The following SLAMF9 variants were observed in gnomAD, a reference collection of about 807,000 sequenced individuals.
SLAMF9 encodes the protein CD2 family member 10.
In SLAMF9, 25 loss-of-function variants were observed where a neutral mutation model predicts 30.4. The observed-to-expected ratio is 0.82, with a 90% CI of 0.60 to 1.15. The LOEUF (loss-of-function observed/expected upper bound fraction) is 1.15. Ranked by LOEUF, SLAMF9 falls within the 50% of genes most tolerant of loss-of-function variation. The probability of loss-of-function intolerance (pLI) is 0.00; values close to 1 mark genes in which losing one functional copy is unlikely to be tolerated. For missense variants in SLAMF9, 344 were observed against 346.1 expected (o/e 0.99, Z 0.05); for synonymous variants, 129 against 127.2 (o/e 1.01, Z -0.09).
intron 3 of SLAMF9, 29 bp from the exon 4 acceptor site, chr1:159,951,895 C>T: frequency 6.2e-7 from 1 of 1,602,726 alleles, no homozygotes; most frequent in Non-Finnish European, 8.5e-7. Flanking sequence ...GGAAAGGGCC[C>T]ATCAGTGGTA....
chr1:159,960,461 CTTTT>C, the SLAMF9 span, among the ~76,000 whole-genome samples: 2 of 130,778 alleles, frequency 1.5e-5, no homozygotes, highest in Non-Finnish European at 1.6e-5. Context: ...CTCTGATGAT[CTTTT>C]TTTTTTTTTT....
chr1:159,981,627 G>C, the SLAMF9 span, among the ~76,000 whole-genome samples: 1 of 152,210 alleles, frequency 6.6e-6, no homozygotes, highest in Non-Finnish European at 1.5e-5. Context: ...TGCTGCTGCA[G>C]GCATCTCTGT....
chr1:159,957,350 G>C (rs189881896), upstream of SLAMF9, among the ~76,000 whole-genome samples: 23 of 152,086 alleles, frequency 1.5e-4, no homozygotes, highest in Admixed American at 2.6e-4. Flanking sequence ...AACAGGCCAG[G>C]CACAGTGGCT....
chr1:159,974,361 T>TC, the SLAMF9 span, among the ~76,000 whole-genome samples: 1 of 152,164 alleles, frequency 6.6e-6, no homozygotes, highest in African/African-American at 2.4e-5. Context: ...TGGGTTTTCT[T>TC]CCCCATTGAC....
the SLAMF9 span, among the ~76,000 whole-genome samples, chr1:159,964,010 A>G: frequency 6.6e-6 from 1 of 152,190 alleles, no homozygotes; most frequent in Non-Finnish European, 1.5e-5. Context: ...CAGTGAGCAG[A>G]GATCACGCCA....
chr1:159,974,155 G>A, the SLAMF9 span: 1 of 910,682 alleles, frequency 1.1e-6, no homozygotes, highest in South Asian at 1.6e-5. Context: ...CCTCTGCTGG[G>A]GATGGAGGCC....
chr1:159,976,121 G>GTT, the SLAMF9 span, among the ~76,000 whole-genome samples: 1 of 130,710 alleles, frequency 7.7e-6, no homozygotes, highest in African/African-American at 2.7e-5. Context: ...GTGTGTGTGT[G>GTT]TAAGTTGTTT....
intron 1 of SLAMF9, 38 bp downstream of exon 1, chr1:159,954,054 G>A: frequency 2.5e-6 from 4 of 1,613,310 alleles, no homozygotes; most frequent in African/African-American, 1.3e-5. Flanking sequence ...CAGAGGTGTA[G>A]GGGACATTCC....
the SLAMF9 span, among the ~76,000 whole-genome samples, chr1:159,978,180 C>T: frequency 5.3e-5 from 8 of 152,112 alleles, no homozygotes; most frequent in Non-Finnish European, 1.2e-4. Flanking sequence ...ATACCCCTCC[C>T]CACTTCAGGA....
At chr1:159,973,776 A>G in the SLAMF9 span, 1 of 1,612,822 alleles carries the variant, frequency 6.2e-7, no homozygotes, top group South Asian at 1.1e-5. Flanking sequence ...CTGCCCCACA[A>G]ACTCCCAAGC....
rs779584560 is a variant in SLAMF9, at chr1:159,953,418, G to T, written c.282C>A (p.Ser94=). 1 of 1,614,086 alleles carries T rather than the reference G, an allele frequency of 6.2e-7. No homozygotes were observed. The highest frequency in any genetic ancestry group is 8.5e-7 in the Non-Finnish European group (1 of 1,180,046). ...GQVSFLDPSY[S]LHISNLSWED... ...CCCAGCTCAGATTGCTGATATGCAG[G>T]GAATAGCTGGGGTCCAGGAAGCTCA... The change falls in exon 2 of 4, where the codon TCC becomes TCA. Residue 94 remains serine (S), a synonymous_variant. Transcript: ENST00000368093.
chr1:159,960,673 C>G, the SLAMF9 span, among the ~76,000 whole-genome samples: 1 of 152,092 alleles, frequency 6.6e-6, no homozygotes, highest in Non-Finnish European at 1.5e-5. Flanking sequence ...CCAGGCTAGT[C>G]TTGAACTCCC....
chr1:159,959,300 C>T, the SLAMF9 span, among the ~76,000 whole-genome samples: 1 of 151,936 alleles, frequency 6.6e-6, no homozygotes, highest in Admixed American at 6.6e-5. Context: ...TCTCTCTTAC[C>T]CCTGACCAGG....
At chr1:159,963,987 G>A in the SLAMF9 span, among the ~76,000 whole-genome samples, 4 of 152,154 alleles carry the variant, frequency 2.6e-5, no homozygotes, top group South Asian at 4.1e-4. Flanking sequence ...TTGAACCTGG[G>A]AGGCAGAGGT....
the SLAMF9 span, among the ~76,000 whole-genome samples, chr1:159,980,183 A>G: frequency 6.6e-6 from 1 of 151,814 alleles, no homozygotes; most frequent in Middle Eastern, 3.4e-3. Flanking sequence ...TTCTGAACAC[A>G]CTCCCAAGAG....
upstream of SLAMF9, among the ~76,000 whole-genome samples, chr1:159,957,843 A>G (rs140277583): frequency 6.8e-6 from 1 of 146,032 alleles, no homozygotes; most frequent in Non-Finnish European, 1.5e-5. Flanking sequence ...CAGGGTCATG[A>G]GTATAATGCT....
chr1:159,952,444 G>T lies in SLAMF9; in HGVS notation c.482C>A (p.Ala161Glu), dbSNP rs1651786236. The T allele has an allele frequency of 6.2e-7, 1 of 1,614,094 alleles. No individual in the cohort carries two copies. Among genetic ancestry groups the T allele is most frequent in the East Asian group, 2.2e-5 (1 of 44,874 alleles). ...SMSLVCSVEK[A>E]GMDMTYSWLS... Reference sequence around the variant, plus strand: ...CCAGCTGTAGGTCATATCCATGCCTGCCTTCTCCACAGAGCACACCAGGGA... The same window carrying T: ...CCAGCTGTAGGTCATATCCATGCCTTCCTTCTCCACAGAGCACACCAGGGA... The change falls in exon 3 of 4, where the codon GCA (alanine) becomes GAA (glutamate). Residue 161 changes from alanine to glutamate, a missense_variant. Physicochemically the swap from Ala to Glu is moderately radical, Grantham distance 107. Transcript: ENST00000368093.
intron 1 of SLAMF9, 23 bp from the exon 2 acceptor site, chr1:159,953,676 C>A (rs1411988766): frequency 6.4e-7 from 1 of 1,569,456 alleles, no homozygotes; most frequent in South Asian, 1.2e-5. Flanking sequence ...AAAAGAGAAG[C>A]AAACAACCCA....
At chr1:159,968,431 A>T in the SLAMF9 span, among the ~76,000 whole-genome samples, 6 of 151,792 alleles carry the variant, frequency 4.0e-5, no homozygotes, top group Non-Finnish European at 8.8e-5. Flanking sequence ...AGGGCTACTC[A>T]CTCCTCTCCT....
Sources: gnomAD v4.1 joint callset for allele counts (sites outside exome capture counted in the v4.1 genomes callset) on GRCh38, gnomAD v4.1.1 for gene constraint, MANE v1.5 for transcripts, NCBI Gene and HGNC (gene_info 2026-07-23, HGNC 2026-07-21) for gene names.